CMYA5: variants seen among roughly 807,000 people sequenced by gnomAD.
CMYA5 encodes cardiomyopathy-associated protein 5.
Under a neutral mutation model 318.9 loss-of-function variants are expected in CMYA5, and 246 were observed. The ratio of observed to expected loss-of-function variants is 0.77; its 90% CI spans 0.70 to 0.86. The LOEUF (loss-of-function observed/expected upper bound fraction) is 0.86. Ranked by LOEUF, CMYA5 falls within the 40% of genes least tolerant of loss-of-function variation. The pLI is 0.00. For missense variants in CMYA5, 4,589 were observed against 4,678.2 expected (o/e 0.98, Z 0.56); for synonymous variants, 1,641 against 1,729.5 (o/e 0.95, Z 1.27).
At chr5:79,695,678 GAC>G (rs1229889527) in intron 1 of CMYA5, among the ~76,000 whole-genome samples, 1 of 152,240 alleles carries the variant, frequency 6.6e-6, no homozygotes, top group Non-Finnish European at 1.5e-5. Context: ...AGGATTGGAT[GAC>G]ACAGTTGTTT....
At position 79,761,953 on chromosome 5, in the gene CMYA5, G is replaced by A; in HGVS notation, c.11403G>A (p.Arg3801=). 1 of 1,612,604 alleles carries A rather than the reference G, an allele frequency of 6.2e-7. No homozygotes were observed. Among genetic ancestry groups the A allele is most frequent in the Non-Finnish European group, 8.5e-7 (1 of 1,179,420 alleles). The change falls in exon 8 of 13, where the codon AGG becomes AGA. Residue 3801 remains arginine, a synonymous_variant. Coordinates refer to ENST00000446378, the MANE Select transcript of CMYA5 (RefSeq NM_153610.5). ...CSLPSERAIF[R]TAPSTPVIRA... ...TGCCCAGTGAAAGGGCCATCTTTAGGACAGGTAAGGAGATGGATGCTAAGG... is the reference window on the plus strand; with the variant it reads ...TGCCCAGTGAAAGGGCCATCTTTAGAACAGGTAAGGAGATGGATGCTAAGG...
In CMYA5 at chr5:79,730,214, G is replaced by A. The variant is rs1251090117; in HGVS notation, c.1449G>A (p.Glu483=). Residue 483 remains glutamate (E), a synonymous_variant, in exon 2 of 13, where the codon GAG becomes GAA. Transcript: ENST00000446378. ...CTACCCATCCCAGTGTCAAAGGAGA[G>A]AAGGAGGAAAACATGCTTGAGCCAT... ...LTPTHPSVKG[E]KEENMLEPSI... is the part of the protein sequence containing the mutation. The A allele has an allele frequency of 6.2e-7, 1 of 1,613,828 alleles. No individual in the cohort carries two copies. The highest frequency in any genetic ancestry group is 8.5e-7 in the Non-Finnish European group (1 of 1,179,880).
In CMYA5 at chr5:79,734,272, T is replaced by C. The variant is rs1400660712; in HGVS notation, c.5507T>C (p.Leu1836Ser). ...CTTCATTCAGATCAAACTGTTAAAT[T>C]ACCTGATGTAAGCACCTCTTCTGAA... is the stretch of plus-strand genomic sequence containing the variant. Reference protein sequence around the residue: ...KALHSDQTVKLPDVSTSSEDK... With the variant: ...KALHSDQTVKSPDVSTSSEDK... Residue 1836 changes from leucine (L) to serine (S), a missense_variant, in exon 2 of 13, where the codon TTA becomes TCA. Leu to Ser is a moderately radical substitution (Grantham distance 145). Coordinates refer to ENST00000446378, the MANE Select transcript of CMYA5 (RefSeq NM_153610.5). The C allele has an allele frequency of 3.1e-6, 5 of 1,613,402 alleles. No homozygotes were observed. The highest frequency in any genetic ancestry group is 3.4e-6 in the Non-Finnish European group (4 of 1,179,736).
Position 79,735,902 on chromosome 5 carries a change from T to C in CMYA5, c.7137T>C (p.Asp2379=), listed in dbSNP as rs749012420. The change falls in exon 2 of 13, where the codon GAT becomes GAC. Residue 2379 remains aspartate (D), a synonymous_variant. Transcript: ENST00000446378. Reference sequence around the variant, plus strand: ...AACAAAAATCACTCCTTTCATTTGATGTAGTAGATAAGGTGCCACAACAGC... The same window carrying C: ...AACAAAAATCACTCCTTTCATTTGACGTAGTAGATAAGGTGCCACAACAGC... ...DQKQKSLLSF[D]VVDKVPQQPK... The C allele has an allele frequency of 1.9e-6, 3 of 1,592,320 alleles. No individual in the cohort carries two copies. Among genetic ancestry groups the C allele is most frequent in the South Asian group, 1.2e-5 (1 of 86,394 alleles).
Position 79,737,303 on chromosome 5 carries a change from T to C in CMYA5, c.8538T>C (p.His2846=), listed in dbSNP as rs1215755564. The change falls in exon 2 of 13, where the codon CAT becomes CAC. Residue 2846 remains histidine (H), a synonymous_variant. Coordinates refer to ENST00000446378, the MANE Select transcript of CMYA5 (RefSeq NM_153610.5). ...MPRSELTPER[H]TVHTIQTSKD... is the part of the protein sequence containing the mutation. Reference sequence around the variant, plus strand: ...GATCAGAATTGACTCCAGAAAGGCATACAGTTCATACTATTCAGACATCTA... The same window carrying C: ...GATCAGAATTGACTCCAGAAAGGCACACAGTTCATACTATTCAGACATCTA... The C allele has an allele frequency of 5.6e-6, 9 of 1,613,702 alleles. No individual in the cohort carries two copies. Among genetic ancestry groups the C allele is most frequent in the Middle Eastern group, 1.6e-4 (1 of 6,082 alleles).
At chr5:79,707,644 C>A (rs1011177045) in intron 1 of CMYA5, among the ~76,000 whole-genome samples, 2 of 152,160 alleles carry the variant, frequency 1.3e-5, no homozygotes, top group South Asian at 4.1e-4. Flanking sequence ...TTTCATTTGT[C>A]ATTTGCCTAG....
chr5:79,756,651 AT>A (rs746489721), intron 6 of CMYA5, among the ~76,000 whole-genome samples: 69 of 151,974 alleles, frequency 4.5e-4, no homozygotes, highest in South Asian at 2.1e-3. Flanking sequence ...ACAACTGTGT[AT>A]TTTTTCAGCT....
rs771493010 is a variant in CMYA5, at chr5:79,733,331, G to A, written c.4566G>A (p.Val1522=). 2.7e-5 allele frequency: 43 copies of A among 1,613,500 alleles called. No homozygotes were observed. The Admixed American group carries it at 6.7e-4, about 25-fold the overall frequency. The part of the protein sequence containing the change: ...QKKSLMSTSE[V]LEPEHELPLS... ...AGAGCTTGATGTCTACCTCAGAGGTGTTAGAGCCTGAACATGAGCTTCCAC... is the reference window on the plus strand; with the variant it reads ...AGAGCTTGATGTCTACCTCAGAGGTATTAGAGCCTGAACATGAGCTTCCAC... Residue 1522 remains valine, a synonymous_variant, in exon 2 of 13, where the codon GTG becomes GTA. Coordinates refer to ENST00000446378, the MANE Select transcript of CMYA5 (RefSeq NM_153610.5).
chr5:79,778,627 GCT>G (rs924442921), intron 9 of CMYA5, among the ~76,000 whole-genome samples: 1 of 151,280 alleles, frequency 6.6e-6, no homozygotes, highest in Non-Finnish European at 1.5e-5. Context: ...ATTTGTAGAA[GCT>G]CTGTTTTTTT....
chr5:79,754,861 C>T (rs897532851), intron 6 of CMYA5, among the ~76,000 whole-genome samples: 1 of 152,168 alleles, frequency 6.6e-6, no homozygotes, highest in Non-Finnish European at 1.5e-5. Flanking sequence ...GTGGCAGCCA[C>T]CATTTTACTT....
intron 1 of CMYA5, among the ~76,000 whole-genome samples, chr5:79,703,476 C>A (rs966651755): frequency 1.8e-4 from 27 of 152,308 alleles, no homozygotes; most frequent in African/African-American, 6.0e-4. Context: ...TTCAAAACTC[C>A]TTTGAGATCG....
Position 79,734,515 on chromosome 5 carries a change from A to C in CMYA5, c.5750A>C (p.Asp1917Ala). The C allele has an allele frequency of 6.2e-7, 1 of 1,613,642 alleles. No homozygotes were observed. Among genetic ancestry groups the C allele is most frequent in the East Asian group, 2.2e-5 (1 of 44,824 alleles). The change falls in exon 2 of 13, where the codon GAT (aspartate) becomes GCT (alanine). Residue 1917 changes from aspartate to alanine, a missense_variant. Asp to Ala is a moderately radical substitution (Grantham distance 126, BLOSUM62 -2). This residue lies in a region of CMYA5 where 2,431 missense variants were observed against 2,495.1 expected (regional missense o/e 0.97). Transcript: ENST00000446378. Reference sequence around the variant, plus strand: ...AGAATAGCAGGATCTGTGCAGCTGGATTCCTCTAGCAGCAATGAGCTGAGG... The same window carrying C: ...AGAATAGCAGGATCTGTGCAGCTGGCTTCCTCTAGCAGCAATGAGCTGAGG... ...EQRIAGSVQL[D>A]SSSSNELRPG...
chr5:79,723,439 A>G (rs1827682025), intron 1 of CMYA5, among the ~76,000 whole-genome samples: 1 of 76,258 alleles, frequency 1.3e-5, no homozygotes, highest in Non-Finnish European at 2.7e-5. Context: ...ACTCCATCTC[A>G]AAGGAAAAAA....
Position 79,752,725 on chromosome 5 carries a change from G to A in CMYA5, c.11041G>A (p.Ala3681Thr), listed in dbSNP as rs1393016302. Residue 3681 changes from alanine (A) to threonine (T), a missense_variant, in exon 6 of 13, where the codon GCG (alanine) becomes ACG (threonine). This residue lies in a region of CMYA5 where 2,431 missense variants were observed against 2,495.1 expected (regional missense o/e 0.97). Coordinates refer to ENST00000446378, the MANE Select transcript of CMYA5 (RefSeq NM_153610.5). ...TGCTTCTTTAGAGAAAATGCCTGCT[G>A]CGTTTTCCCTTTTCGAACATTATGA... is the stretch of plus-strand genomic sequence containing the variant. Reference protein sequence around the residue: ...STASLEKMPAAFSLFEHYDDS... With the variant: ...STASLEKMPATFSLFEHYDDS... 6.2e-7 allele frequency: 1 copy of A among 1,613,730 alleles called. No individual in the cohort carries two copies. The highest frequency in any genetic ancestry group is 1.1e-5 in the South Asian group (1 of 91,060).
intron 2 of CMYA5, 31 bp from the exon 3 acceptor site, chr5:79,743,796 A>G (rs760914882): frequency 3.3e-6 from 4 of 1,201,552 alleles, no homozygotes; most frequent in Middle Eastern, 1.9e-4. Flanking sequence ...TAAATGTCAT[A>G]TACTAAGGAT....
At chr5:79,758,407 C>T (rs1200960113) in intron 6 of CMYA5, among the ~76,000 whole-genome samples, 1 of 151,754 alleles carries the variant, frequency 6.6e-6, no homozygotes, top group Non-Finnish European at 1.5e-5. Flanking sequence ...TGGCAGGCGC[C>T]TATAATCCCA....
intron 1 of CMYA5, among the ~76,000 whole-genome samples, chr5:79,724,249 G>A (rs554288849): frequency 1.3e-5 from 2 of 152,102 alleles, no homozygotes; most frequent in East Asian, 1.9e-4. Context: ...GCTTGAACCC[G>A]GGAGGCGGAG....
intron 10 of CMYA5, 144 bp from the exon 11 acceptor site, chr5:79,790,826 G>A (rs259096): frequency 0.72 from 444,250 of 616,142 alleles, 161,911 homozygotes; most frequent in East Asian, 0.92. Flanking sequence ...CATGAGTGAA[G>A]TTTTCAGCTG....
chr5:79,733,816 A>C lies in CMYA5; in HGVS notation c.5051A>C (p.Glu1684Ala). Residue 1684 changes from glutamate (E) to alanine (A), a missense_variant, in exon 2 of 13, where the codon GAA becomes GCA. Glu to Ala is a moderately radical substitution (Grantham distance 107). Transcript: ENST00000446378. ...CTTAGGAGCAGAGAAGGAAAAGAAG[A>C]AAATAGAGAGCTTTGTGCATCTTCT... ...AELRSREGKE[E>A]NRELCASSTM... 1.2e-6 allele frequency: 2 copies of C among 1,613,704 alleles called. No homozygotes were observed. The highest frequency in any genetic ancestry group is 8.5e-7 in the Non-Finnish European group (1 of 1,179,786).
Sources: gnomAD v4.1 joint callset for allele counts (sites outside exome capture counted in the v4.1 genomes callset) on GRCh38, gnomAD v4.1.1 for gene constraint, gnomAD v4.1.1 regional missense constraint, MANE v1.5 for transcripts, NCBI Gene and HGNC (gene_info 2026-07-23, HGNC 2026-07-21) for gene names.